ZNF292: variants seen among roughly 807,000 people sequenced by gnomAD.
ZNF292 encodes the protein 16 zinc-finger domain protein.
Under a neutral mutation model 217.9 loss-of-function variants are expected in ZNF292, and 26 were observed. The ratio of observed to expected loss-of-function variants is 0.12; its 90% confidence interval spans 0.09 to 0.17. ZNF292 has a LOEUF of 0.17. Among genes scored for constraint, ZNF292 ranks in the 10% least tolerant of loss-of-function variants. The probability of loss-of-function intolerance (pLI) is 1.00; values close to 1 mark genes in which losing one functional copy is unlikely to be tolerated. For synonymous variants in ZNF292, 1,257 were observed against 1,124.1 expected (o/e 1.12, Z -2.37); for missense variants, 2,904 against 3,175.2 (o/e 0.91, Z 2.05).
At chr6:87,216,260 A>G (rs760351794) in intron 2 of ZNF292, 39 bp from the exon 3 acceptor site, 3 of 1,504,818 alleles carry the variant, frequency 2.0e-6, no homozygotes, top group Non-Finnish European at 2.7e-6. Flanking sequence ...TTTGAATTTT[A>G]ATAATTATTC....
intron 4 of ZNF292, among the ~76,000 whole-genome samples, chr6:87,230,204 A>G (rs187008056): frequency 2.3e-3 from 354 of 152,266 alleles, no homozygotes; most frequent in African/African-American, 8.4e-3. Flanking sequence ...TGAGTTTGAG[A>G]TGCTTTTGAA....
chr6:87,232,901 A>G (rs1773725052), intron 4 of ZNF292, among the ~76,000 whole-genome samples: 1 of 152,122 alleles, frequency 6.6e-6, no homozygotes, highest in Non-Finnish European at 1.5e-5. Flanking sequence ...TTCTTCTGGA[A>G]TGTCCCAATA....
At chr6:87,163,746 T>C (rs916319691) in intron 1 of ZNF292, among the ~76,000 whole-genome samples, 1 of 152,262 alleles carries the variant, frequency 6.6e-6, no homozygotes, top group African/African-American at 2.4e-5. Flanking sequence ...AGTATTTACA[T>C]TGGATCTTGA....
chr6:87,261,845 A>ATTT lies in ZNF292; in HGVS notation c.*45_*46insTTT, dbSNP rs1247055387. 5.4e-6 allele frequency: 7 copies of ATTT among 1,300,662 alleles called. No individual in the cohort carries two copies. Among genetic ancestry groups the ATTT allele is most frequent in the Non-Finnish European group, 7.2e-6 (7 of 968,468 alleles). 80.6% of individuals were successfully genotyped at this position (1,300,662 alleles called of 1,614,324 possible). ...TACATCATTTACCATTTTATTTTAA[A>ATTT]TAGGAAGCCATCAAGCATGCTAGAA... On this transcript the variant is annotated 3_prime_UTR_variant, in exon 8 of 8. Coordinates refer to ENST00000369577, the MANE Select transcript of ZNF292 (RefSeq NM_015021.3).
intron 1 of ZNF292, among the ~76,000 whole-genome samples, chr6:87,165,178 C>T (rs767671271): frequency 6.6e-6 from 1 of 152,076 alleles, no homozygotes. Context: ...TAGTTCTTGT[C>T]CCAATGAACT....
chr6:87,155,874 G>A, intron 1 of ZNF292, 115 bp downstream of exon 1: 3 of 1,318,064 alleles, frequency 2.3e-6, no homozygotes, highest in South Asian at 3.1e-5. Context: ...CGGCGCCTCC[G>A]CCTGGGTGGG....
At chr6:87,229,450 A>C (rs1773537031) in intron 4 of ZNF292, among the ~76,000 whole-genome samples, 1 of 151,560 alleles carries the variant, frequency 6.6e-6, no homozygotes, top group Non-Finnish European at 1.5e-5. Flanking sequence ...TTTGAGACGG[A>C]GTTTTTGCTC....
At chr6:87,170,001 A>T (rs1328628057) in intron 1 of ZNF292, 1 of 153,748 alleles carries the variant, frequency 6.5e-6, no homozygotes, top group Non-Finnish European at 1.5e-5. Flanking sequence ...CTACATGAAC[A>T]TATGCATGTA....
Position 87,185,316 on chromosome 6 carries a change from A to T in ZNF292, c.168+29557A>T, listed in dbSNP as rs147589933. Among the ~76,000 whole-genome samples, 281 of 152,298 alleles carry T rather than the reference A, an allele frequency of 1.8e-3. 5 individuals carry two copies. The East Asian group carries it at 0.048, about 26-fold the overall frequency. On this transcript the variant is annotated intron_variant, in intron 1 of 7. Coordinates refer to ENST00000369577, the MANE Select transcript of ZNF292 (RefSeq NM_015021.3). ...TTTTGACATTTCAAGATTGATTTTC[A>T]GGATTTTAGACTTCCGGGATTTTGA...
At chr6:87,190,096 GTGTGTGTA>G (rs1245415369) in intron 1 of ZNF292, among the ~76,000 whole-genome samples, 2 of 152,114 alleles carry the variant, frequency 1.3e-5, no homozygotes, top group African/African-American at 4.8e-5. Context: ...CCTAACCTTT[GTGTGTGTA>G]TGTGTGTATG....
chr6:87,212,781 C>T (rs1267467491), intron 1 of ZNF292, among the ~76,000 whole-genome samples: 1 of 152,180 alleles, frequency 6.6e-6, no homozygotes, highest in Non-Finnish European at 1.5e-5. Context: ...TCAAAATCAC[C>T]ATGCAAGAGA....
Position 87,260,538 on chromosome 6 carries a change from A to G in ZNF292, c.6909A>G (p.Ser2303=). Residue 2303 remains serine (S), a synonymous_variant, in exon 8 of 8, where the codon TCA becomes TCG. Transcript: ENST00000369577. ...TAACACCAGGCCAGGAAAATATGTC[A>G]AGCAAGGCAAACCAAGAAAAATCAA... ...RRLTPGQENM[S]SKANQEKSKS... 1.9e-6 allele frequency: 3 copies of G among 1,613,226 alleles called. No individual in the cohort carries two copies. The highest frequency in any genetic ancestry group is 2.5e-6 in the Non-Finnish European group (3 of 1,179,612).
intron 1 of ZNF292, among the ~76,000 whole-genome samples, chr6:87,180,638 CCCAA>C (rs1771445076): frequency 6.6e-6 from 1 of 151,916 alleles, no homozygotes; most frequent in African/African-American, 2.4e-5. Flanking sequence ...TTCTCAATGT[CCCAA>C]CTGACTGTGT....
intron 5 of ZNF292, among the ~76,000 whole-genome samples, chr6:87,238,285 G>C (rs1317694587): frequency 2.0e-5 from 3 of 152,028 alleles, no homozygotes; most frequent in Non-Finnish European, 2.9e-5. Flanking sequence ...TCAGGAGTTT[G>C]AGACCAGCCT....
chr6:87,236,499 G>C (rs1156287969), intron 5 of ZNF292, among the ~76,000 whole-genome samples: 2 of 151,928 alleles, frequency 1.3e-5, no homozygotes, highest in East Asian at 3.9e-4. Flanking sequence ...TGGAAGGAAT[G>C]AACTTTGGTC....
In ZNF292 at chr6:87,198,207, TA is replaced by T. The variant is rs1393341862; in HGVS notation, c.169-17695del. ...TTATTTATTTATTTATTTATTTATTTATTTATTTATTTTTTGAGATGGAGTC... is the reference window on the plus strand; with the variant it reads ...TTATTTATTTATTTATTTATTTATTTTTTATTTATTTTTTGAGATGGAGTC... On this transcript the variant is annotated intron_variant, in intron 1 of 7. Coordinates refer to ENST00000369577, the MANE Select transcript of ZNF292 (RefSeq NM_015021.3). Among the ~76,000 whole-genome samples the T allele has an allele frequency of 9.5e-3, 1,426 of 150,408 alleles. 34 individuals are homozygous for T. Among genetic ancestry groups the T allele is most frequent in the African/African-American group, 0.034 (1,378 of 40,100 alleles).
At chr6:87,182,437 A>C (rs561274982) in intron 1 of ZNF292, among the ~76,000 whole-genome samples, 13 of 152,332 alleles carry the variant, frequency 8.5e-5, no homozygotes, top group Non-Finnish European at 1.8e-4. Context: ...TTATCTTTTA[A>C]AAATTTCCCC....
intron 1 of ZNF292, among the ~76,000 whole-genome samples, chr6:87,201,136 G>C (rs1029016324): frequency 6.6e-6 from 1 of 152,110 alleles, no homozygotes; most frequent in Admixed American, 6.5e-5. Context: ...GAGATTCCGA[G>C]GTAGACTTAT....
intron 4 of ZNF292, among the ~76,000 whole-genome samples, chr6:87,231,914 T>C (rs1773677509): frequency 6.6e-6 from 1 of 152,164 alleles, no homozygotes; most frequent in Non-Finnish European, 1.5e-5. Flanking sequence ...ATAACTTTGT[T>C]TTTTAGTCTT....
Sources: gnomAD v4.1 joint callset for allele counts (sites outside exome capture counted in the v4.1 genomes callset) on GRCh38, gnomAD v4.1.1 for gene constraint, MANE v1.5 for transcripts, NCBI Gene and HGNC (gene_info 2026-07-23, HGNC 2026-07-21) for gene names.